The following TAMM41 variants were observed in gnomAD, a reference collection of about 807,000 sequenced individuals.
The protein encoded by TAMM41 is TAM41 mitochondrial translocator assembly and maintenance homolog, also known as phosphatidate cytidylyltransferase, mitochondrial.
Under a neutral mutation model 44.1 loss-of-function variants are expected in TAMM41, and 36 were observed. The observed-to-expected ratio is 0.82, with a 90% CI of 0.63 to 1.08. The LOEUF (loss-of-function observed/expected upper bound fraction) is 1.08. Among genes scored for constraint, TAMM41 ranks in the 50% least tolerant of loss-of-function variants. The pLI is 0.00. For missense variants in TAMM41, 417 were observed against 404.3 expected (o/e 1.03, Z -0.27); for synonymous variants, 164 against 153.1 (o/e 1.07, Z -0.53).
At chr3:11,828,573 C>G (rs1028959815) in intron 4 of TAMM41, among the ~76,000 whole-genome samples, 1 of 152,202 alleles carries the variant, frequency 6.6e-6, no homozygotes, top group African/African-American at 2.4e-5. Context: ...AAAGTGACTT[C>G]CTTTGCTCAC....
At chr3:11,789,260 A>G (rs1190964574), downstream of TAMM41, among the ~76,000 whole-genome samples, 1 of 152,206 alleles carries the variant, frequency 6.6e-6, no homozygotes, top group Admixed American at 6.5e-5. Flanking sequence ...TCACTATGCT[A>G]TGGGTTAGAA....
At chr3:11,756,244 A>G in the TAMM41 span, among the ~76,000 whole-genome samples, 3 of 152,216 alleles carry the variant, frequency 2.0e-5, no homozygotes, top group Admixed American at 2.0e-4. Context: ...CATTTGTTGG[A>G]AGCTACCAAG....
At chr3:11,829,098 A>G (rs903148918) in intron 4 of TAMM41, among the ~76,000 whole-genome samples, 1 of 152,176 alleles carries the variant, frequency 6.6e-6, no homozygotes, top group African/African-American at 2.4e-5. Context: ...TTGGGACATA[A>G]TATGTGTGAC....
At chr3:11,805,496 T>C (rs1281592272) in intron 7 of TAMM41, among the ~76,000 whole-genome samples, 1 of 152,112 alleles carries the variant, frequency 6.6e-6, no homozygotes, top group Non-Finnish European at 1.5e-5. Flanking sequence ...GGTCTTGAAC[T>C]CTTGAGCCCA....
chr3:11,796,604 C>G (rs982546465), intron 7 of TAMM41, among the ~76,000 whole-genome samples: 3 of 152,004 alleles, frequency 2.0e-5, no homozygotes, highest in Non-Finnish European at 4.4e-5. Context: ...AAAAGTAAAC[C>G]AAATATGCTA....
the TAMM41 span, among the ~76,000 whole-genome samples, chr3:11,726,574 G>C: frequency 1.3e-5 from 2 of 152,178 alleles, no homozygotes; most frequent in Non-Finnish European, 2.9e-5. Context: ...GGCTGAGGTG[G>C]GTGGATCACT....
intron 7 of TAMM41, among the ~76,000 whole-genome samples, chr3:11,794,085 T>G (rs1201284864): frequency 6.6e-6 from 1 of 152,132 alleles, no homozygotes; most frequent in Admixed American, 6.6e-5. Flanking sequence ...CTATGGTCTC[T>G]GCCCTCACAG....
intron 7 of TAMM41, among the ~76,000 whole-genome samples, chr3:11,797,988 C>T (rs1406495340): frequency 6.6e-6 from 1 of 152,032 alleles, no homozygotes. Flanking sequence ...GTCATTAAGT[C>T]AAGAAACAAC....
chr3:11,733,858 A>G, the TAMM41 span, among the ~76,000 whole-genome samples: 1 of 152,012 alleles, frequency 6.6e-6, no homozygotes, highest in South Asian at 2.1e-4. Context: ...GGAAGAACAA[A>G]TGGCTCTCCT....
chr3:11,745,538 C>A, the TAMM41 span, among the ~76,000 whole-genome samples: 3 of 152,118 alleles, frequency 2.0e-5, no homozygotes, highest in South Asian at 6.2e-4. Context: ...CATGGATGAA[C>A]CTTGAGGACA....
the TAMM41 span, among the ~76,000 whole-genome samples, chr3:11,735,503 G>A: frequency 5.9e-5 from 9 of 151,782 alleles, no homozygotes; most frequent in African/African-American, 1.9e-4. Context: ...GTGTGGTGGC[G>A]GGCACCTATA....
chr3:11,829,455 T>C (rs561309563), intron 4 of TAMM41, among the ~76,000 whole-genome samples: 2 of 152,316 alleles, frequency 1.3e-5, no homozygotes, highest in East Asian at 3.9e-4. Flanking sequence ...CTTGAAACTT[T>C]TCTGTAAGTT....
chr3:11,800,852 T>C (rs1311180089), intron 7 of TAMM41, among the ~76,000 whole-genome samples: 1 of 152,216 alleles, frequency 6.6e-6, no homozygotes, highest in Non-Finnish European at 1.5e-5. Flanking sequence ...CTACAGAATA[T>C]ATGTTCTTTT....
chr3:11,743,665 T>C, the TAMM41 span, among the ~76,000 whole-genome samples: 1 of 152,084 alleles, frequency 6.6e-6, no homozygotes, highest in Non-Finnish European at 1.5e-5. Context: ...ATTTTCTGCT[T>C]ATATAAGTTG....
intron 1 of TAMM41, chr3:11,845,188 G>A (rs2079626966): frequency 2.8e-6 from 1 of 355,654 alleles, no homozygotes; most frequent in African/African-American, 2.1e-5. Flanking sequence ...AGAGCTGACT[G>A]GAGAGAAGAG....
the TAMM41 span, among the ~76,000 whole-genome samples, chr3:11,768,974 A>G: frequency 6.6e-6 from 1 of 152,218 alleles, no homozygotes; most frequent in Non-Finnish European, 1.5e-5. Flanking sequence ...AGGACATTCT[A>G]GCCATCAGGC....
downstream of TAMM41, chr3:11,790,425 C>A: frequency 7.6e-7 from 1 of 1,323,364 alleles, no homozygotes; most frequent in Non-Finnish European, 1.1e-6. Flanking sequence ...AGCAATGGGT[C>A]AAAGTAACAA....
At chr3:11,748,206 A>G in the TAMM41 span, among the ~76,000 whole-genome samples, 287 of 151,770 alleles carry the variant, frequency 1.9e-3, no homozygotes, top group African/African-American at 6.6e-3. Context: ...AAACACGAGT[A>G]TCTCCCTCTT....
chr3:11,722,974 T>C, the TAMM41 span, among the ~76,000 whole-genome samples: 20 of 151,208 alleles, frequency 1.3e-4, no homozygotes, highest in African/African-American at 3.9e-4. Context: ...AAACAAAAAA[T>C]TAGCTGGGGA....
Sources: allele counts gnomAD v4.1 joint callset (sites outside exome capture counted in the v4.1 genomes callset), GRCh38; gene constraint gnomAD v4.1.1; transcripts MANE v1.5; gene names NCBI Gene and HGNC (gene_info 2026-07-23, HGNC 2026-07-21).